The following INTS13 variants were observed in gnomAD, a reference collection of about 807,000 sequenced individuals.
The protein encoded by INTS13 is asunder, spermatogenesis regulator homolog (Drosphila).
A neutral mutation model predicts 90.2 loss-of-function variants in INTS13; 35 were observed. The observed-to-expected ratio is 0.39, with a 90% CI of 0.30 to 0.51. The LOEUF is 0.51. INTS13 is among the 20% of genes least tolerant of loss of function. The pLI, the probability that INTS13 is intolerant of heterozygous loss-of-function variation, is 0.80. For missense variants in INTS13, 601 were observed against 851.2 expected, an observed-to-expected ratio of 0.71 and a Z score of 3.66; for synonymous variants, 309 against 277.1, an observed-to-expected ratio of 1.11 and a Z score of -1.14.
chr12:26,922,545 G>T, intron 8 of INTS13, 71 bp downstream of exon 8: 2 of 1,162,098 alleles, frequency 1.7e-6, no homozygotes, highest in Non-Finnish European at 1.2e-6. Context: ...CTTCCCTGAG[G>T]ATGTGGGGGC....
At chr12:26,916,550 G>C (rs1449445674) in intron 10 of INTS13, among the ~76,000 whole-genome samples, 1 of 152,150 alleles carries the variant, frequency 6.6e-6, no homozygotes, top group East Asian at 1.9e-4. Flanking sequence ...CAGAACATTT[G>C]GGGAGAAGGC....
Position 26,916,806 on chromosome 12 carries a change from T to A in INTS13, c.1069+546A>T, listed in dbSNP as rs185369247. Among the ~76,000 whole-genome samples the A allele has an allele frequency of 2.6e-5, 4 of 152,282 alleles. No homozygotes were observed. The East Asian group carries it at 7.7e-4, about 29-fold the overall frequency. On this transcript the variant is annotated intron_variant, in intron 10 of 16. Transcript: ENST00000261191. ...TTTGGAATCAAATAATTAAGACTTG[T>A]AAAAAATTTTCACACAATGAAACCA...
intron 8 of INTS13, among the ~76,000 whole-genome samples, chr12:26,920,562 C>T (rs1952087164): frequency 6.6e-6 from 1 of 151,976 alleles, no homozygotes; most frequent in African/African-American, 2.4e-5. Flanking sequence ...CCATGCCCGG[C>T]TAATTTTTTG....
At chr12:26,916,542 G>A (rs900748494) in intron 10 of INTS13, among the ~76,000 whole-genome samples, 4 of 152,188 alleles carry the variant, frequency 2.6e-5, no homozygotes, top group Admixed American at 6.5e-5. Flanking sequence ...TAATGCTACA[G>A]AACATTTGGG....
intron 3 of INTS13, 149 bp from the exon 4 acceptor site, chr12:26,929,054 C>T: frequency 3.0e-6 from 2 of 663,680 alleles, no homozygotes; most frequent in Non-Finnish European, 5.0e-6. Context: ...TCCAGTAACA[C>T]ACAAAGAATT....
intron 3 of INTS13, among the ~76,000 whole-genome samples, chr12:26,931,279 C>A (rs910364921): frequency 1.3e-5 from 2 of 151,852 alleles, no homozygotes; most frequent in African/African-American, 4.8e-5. Flanking sequence ...CCCATCTCTA[C>A]GAAAAATACA....
intron 11 of INTS13, among the ~76,000 whole-genome samples, 188 bp from the exon 12 acceptor site, chr12:26,914,766 G>A (rs1387563242): frequency 1.3e-5 from 2 of 152,088 alleles, no homozygotes; most frequent in Non-Finnish European, 2.9e-5. Context: ...GCCTTTATAT[G>A]ATGAAAATGA....
Position 26,906,285 on chromosome 12 carries a change from C to T in INTS13, c.2081+17G>A, listed in dbSNP as rs770047393. On this transcript the variant is annotated intron_variant, in intron 16 of 16. Transcript: ENST00000261191. ...AGGCAATTGACAAAACCAATTTTGA[C>T]AATAAGTAACACAAACCCATTTTCC... 6 of 1,585,096 alleles carry T rather than the reference C, an allele frequency of 3.8e-6. No homozygotes were observed. Among genetic ancestry groups the T allele is most frequent in the South Asian group, 2.3e-5 (2 of 85,512 alleles).
chr12:26,919,011 CA>C, intron 8 of INTS13: 2 of 370,484 alleles, frequency 5.4e-6, no homozygotes, highest in Admixed American at 2.8e-5. Context: ...GGAAAAAATA[CA>C]AAAATTAGCC....
At chr12:26,929,062 A>T in intron 3 of INTS13, 157 bp from the exon 4 acceptor site, 1 of 622,302 alleles carries the variant, frequency 1.6e-6, no homozygotes, top group Non-Finnish European at 2.8e-6. Flanking sequence ...CACACAAAGA[A>T]TTATACACCA....
chr12:26,926,413 T>C (rs533070116), intron 5 of INTS13, among the ~76,000 whole-genome samples: 27 of 152,344 alleles, frequency 1.8e-4, no homozygotes, highest in Non-Finnish European at 2.8e-4. Context: ...TAGGTAGATG[T>C]ACACTTTTTA....
chr12:26,933,252 G>A (rs1445663109), intron 3 of INTS13, among the ~76,000 whole-genome samples: 2 of 152,072 alleles, frequency 1.3e-5, no homozygotes, highest in East Asian at 3.9e-4. Flanking sequence ...AACATCCCAG[G>A]AATGGATATT....
In INTS13 at chr12:26,924,136, AC is replaced by A. The variant is rs1937733280; in HGVS notation, c.804+218del. On this transcript the variant is annotated intron_variant, in intron 7 of 16. Coordinates refer to ENST00000261191, the MANE Select transcript of INTS13 (RefSeq NM_018164.3). ...TAAAGGTTCAATTAAAATAAATAAT[AC>A]ATGTCCAACAATTATTTATTTATTT... Among the ~76,000 whole-genome samples, 5 of 152,248 alleles carry A rather than the reference AC, an allele frequency of 3.3e-5. No homozygotes were observed. In the South Asian group the frequency reaches 1.0e-3, roughly 32 times the overall value.
chr12:26,922,523 G>T, intron 8 of INTS13, 93 bp downstream of exon 8: 1 of 861,150 alleles, frequency 1.2e-6, no homozygotes. Flanking sequence ...TCCACTGGGG[G>T]TCTTGGAATG....
In INTS13 at chr12:26,920,952, C is replaced by T. The variant is rs937406628; in HGVS notation, c.889+1664G>A. Among the ~76,000 whole-genome samples the T allele has an allele frequency of 1.6e-4, 25 of 152,134 alleles. 1 individual carries two copies. The highest frequency in any genetic ancestry group is 3.2e-4 in the Non-Finnish European group (22 of 68,024). ...TGCATACAACATAATCAAAGTCAACCGTTTCTCTGGCAGCATCAATTTACT... is the reference window on the plus strand; with the variant it reads ...TGCATACAACATAATCAAAGTCAACTGTTTCTCTGGCAGCATCAATTTACT... On this transcript the variant is annotated intron_variant, in intron 8 of 16. Transcript: ENST00000261191.
intron 15 of INTS13, among the ~76,000 whole-genome samples, chr12:26,910,124 C>T (rs755767744): frequency 5.3e-5 from 8 of 152,114 alleles, no homozygotes; most frequent in Non-Finnish European, 1.2e-4. Context: ...AGAGGCTTTA[C>T]AGTGAAAATA....
In INTS13 at chr12:26,914,585, A is replaced by G. The variant is rs774877634; in HGVS notation, c.1249-7T>C. ...TCATAAATTCACCAAAATCCTAATG[A>G]TAACCAAATAAGATAAAATTAGAAA... On this transcript the variant is annotated splice_region_variant and splice_polypyrimidine_tract_variant and intron_variant, in intron 11 of 16. Coordinates refer to ENST00000261191, the MANE Select transcript of INTS13 (RefSeq NM_018164.3). 5 of 1,595,418 alleles carry G rather than the reference A, an allele frequency of 3.1e-6. No homozygotes were observed. The highest frequency in any genetic ancestry group is 4.3e-6 in the Non-Finnish European group (5 of 1,166,600).
At chr12:26,931,670 T>A (rs778358840) in intron 3 of INTS13, among the ~76,000 whole-genome samples, 27 of 152,214 alleles carry the variant, frequency 1.8e-4, no homozygotes, top group African/African-American at 5.5e-4. Flanking sequence ...GCAAAGAACA[T>A]AAGCTACTAG....
chr12:26,913,328 G>C, intron 14 of INTS13, 129 bp downstream of exon 14: 3 of 673,672 alleles, frequency 4.5e-6, no homozygotes, highest in Non-Finnish European at 7.5e-6. Flanking sequence ...TAAAATTACA[G>C]TAATGAAAAT....
Sources: allele counts gnomAD v4.1 joint callset (sites outside exome capture counted in the v4.1 genomes callset), GRCh38; gene constraint gnomAD v4.1.1; transcripts MANE v1.5; gene names NCBI Gene and HGNC (gene_info 2026-07-23, HGNC 2026-07-21).